The following NEGR1 variants were observed in gnomAD, a reference collection of about 807,000 sequenced individuals.
The protein encoded by NEGR1 is neuronal growth regulator 1.
NEGR1 carries 10 observed loss-of-function variants against 40.9 expected under a neutral mutation model. The observed-to-expected ratio is 0.24, with a 90% CI of 0.15 to 0.42. The LOEUF (loss-of-function observed/expected upper bound fraction) is 0.42, where lower values mean the gene tolerates loss of function less well. Ranked by LOEUF, NEGR1 falls within the 10% of genes least tolerant of loss-of-function variation. NEGR1 has a pLI of 1.00. For missense variants in NEGR1, 352 were observed against 438.9 expected, an observed-to-expected ratio of 0.80 and a Z score of 1.77; for synonymous variants, 185 against 166.8, an observed-to-expected ratio of 1.11 and a Z score of -0.84.
intron 4 of NEGR1, among the ~76,000 whole-genome samples, chr1:71,657,793 T>C (rs1258241208): frequency 6.6e-6 from 1 of 152,228 alleles, no homozygotes; most frequent in South Asian, 2.1e-4. Context: ...ACAAACTATT[T>C]GCAATACTTA....
chr1:71,777,166 C>T (rs1656542454), intron 2 of NEGR1, among the ~76,000 whole-genome samples: 1 of 152,054 alleles, frequency 6.6e-6, no homozygotes, highest in African/African-American at 2.4e-5. Flanking sequence ...CTCATTGAAT[C>T]CTCAAAGAGC....
chr1:71,510,275 C>G (rs1045292608), intron 6 of NEGR1, among the ~76,000 whole-genome samples: 1 of 152,064 alleles, frequency 6.6e-6, no homozygotes, highest in African/African-American at 2.4e-5. Context: ...AGCAAAATAA[C>G]CTGATACTAT....
At chr1:71,467,676 ATT>A (rs965181138) in intron 6 of NEGR1, among the ~76,000 whole-genome samples, 1 of 151,294 alleles carries the variant, frequency 6.6e-6, no homozygotes, top group African/African-American at 2.4e-5. Context: ...AGGATGAAAC[ATT>A]TTATACTTTT....
At chr1:71,870,168 C>T (rs1178079138) in intron 2 of NEGR1, among the ~76,000 whole-genome samples, 1 of 152,144 alleles carries the variant, frequency 6.6e-6, no homozygotes, top group Non-Finnish European at 1.5e-5. Context: ...GCGTGAGCCA[C>T]CATGCCCAGC....
intron 1 of NEGR1, among the ~76,000 whole-genome samples, chr1:72,142,068 A>G (rs1650698256): frequency 6.6e-6 from 1 of 151,992 alleles, no homozygotes; most frequent in Non-Finnish European, 1.5e-5. Flanking sequence ...TATCCCTTTA[A>G]CAAAGCATCT....
chr1:71,772,176 G>A (rs1439948357), intron 3 of NEGR1, among the ~76,000 whole-genome samples: 1 of 152,076 alleles, frequency 6.6e-6, no homozygotes, highest in Non-Finnish European at 1.5e-5. Flanking sequence ...GAAAATATGA[G>A]ACAACCCACA....
chr1:71,575,472 C>T (rs1648933456), intron 6 of NEGR1, among the ~76,000 whole-genome samples: 2 of 152,176 alleles, frequency 1.3e-5, no homozygotes, highest in African/African-American at 2.4e-5. Flanking sequence ...TATCAGCATT[C>T]AAAGCCTTTT....
rs539396941 is a variant in NEGR1, at chr1:71,655,240, C to T, written c.667+42768G>A. Among the ~76,000 whole-genome samples the T allele has an allele frequency of 1.1e-4, 16 of 152,140 alleles. No individual in the cohort carries two copies. In the South Asian group the frequency reaches 3.3e-3, roughly 32 times the overall value. On this transcript the variant is annotated intron_variant, in intron 4 of 6. Transcript: ENST00000357731. ...ATTTGTGTTCTGAACCATTAAGAAGCTTACAAAAATGTTAAAGAGCTATCT... is the reference window on the plus strand; with the variant it reads ...ATTTGTGTTCTGAACCATTAAGAAGTTTACAAAAATGTTAAAGAGCTATCT...
At chr1:71,620,491 C>T (rs1650576554) in intron 4 of NEGR1, among the ~76,000 whole-genome samples, 1 of 151,920 alleles carries the variant, frequency 6.6e-6, no homozygotes. Flanking sequence ...AAATTTCTTA[C>T]TTGAAGACAG....
chr1:71,713,691 T>C (rs1020433715), intron 3 of NEGR1, among the ~76,000 whole-genome samples: 18 of 152,178 alleles, frequency 1.2e-4, no homozygotes, highest in African/African-American at 4.3e-4. Flanking sequence ...CAAATAAGCA[T>C]AGTGTCTAAC....
rs551682729 is a variant in NEGR1, at chr1:72,186,286, T to C, written c.176+96033A>G. ...TAAAACATTAACTATAATCAAGTTT[T>C]CTACAAGTTTTACTCTGTTCATAAT... On this transcript the variant is annotated intron_variant, in intron 1 of 6. Coordinates refer to ENST00000357731, the MANE Select transcript of NEGR1 (RefSeq NM_173808.3). 2.0e-5 allele frequency among the ~76,000 whole-genome samples: 3 copies of C among 151,904 alleles called. No individual in the cohort carries two copies. The East Asian group carries it at 5.8e-4, about 29-fold the overall frequency.
chr1:71,775,444 C>G (rs1326290558), intron 3 of NEGR1, among the ~76,000 whole-genome samples: 1 of 150,770 alleles, frequency 6.6e-6, no homozygotes, highest in Non-Finnish European at 1.5e-5. Context: ...CTCCTGGGTT[C>G]AAATGATTCT....
intron 3 of NEGR1, among the ~76,000 whole-genome samples, chr1:71,709,967 G>C (rs1329598046): frequency 6.6e-6 from 1 of 152,178 alleles, no homozygotes; most frequent in Non-Finnish European, 1.5e-5. Flanking sequence ...TAGAATGGGA[G>C]AAAATGTTTG....
chr1:71,979,609 C>T (rs551799307), intron 1 of NEGR1, among the ~76,000 whole-genome samples: 8 of 152,096 alleles, frequency 5.3e-5, no homozygotes, highest in African/African-American at 1.9e-4. Context: ...GAACAACCCA[C>T]AAAGACAACG....
chr1:72,178,944 A>T (rs1652267754), intron 1 of NEGR1, among the ~76,000 whole-genome samples: 1 of 151,904 alleles, frequency 6.6e-6, no homozygotes. Flanking sequence ...GATTCTGGAT[A>T]TTAGACATTT....
At chr1:71,645,980 C>T (rs948531236) in intron 4 of NEGR1, among the ~76,000 whole-genome samples, 2 of 151,676 alleles carry the variant, frequency 1.3e-5, no homozygotes, top group African/African-American at 4.8e-5. Context: ...TTTATCCTAT[C>T]CTTCTATTGC....
At chr1:71,804,961 A>G (rs1435750436) in intron 2 of NEGR1, among the ~76,000 whole-genome samples, 1 of 152,180 alleles carries the variant, frequency 6.6e-6, no homozygotes. Context: ...TTTCTCAGCA[A>G]GGAACATCCC....
chr1:72,184,323 A>C (rs1479649117), intron 1 of NEGR1, among the ~76,000 whole-genome samples: 1 of 152,118 alleles, frequency 6.6e-6, no homozygotes. Flanking sequence ...AACGCAGAAG[A>C]TATTTGCAAG....
At chr1:72,001,830 A>G (rs1343873508) in intron 1 of NEGR1, among the ~76,000 whole-genome samples, 1 of 151,934 alleles carries the variant, frequency 6.6e-6, no homozygotes, top group African/African-American at 2.4e-5. Context: ...CTACCCTAAA[A>G]TAAGTACATG....
Sources: gnomAD v4.1 joint callset for allele counts (sites outside exome capture counted in the v4.1 genomes callset) on GRCh38, gnomAD v4.1.1 for gene constraint, MANE v1.5 for transcripts, NCBI Gene and HGNC (gene_info 2026-07-23, HGNC 2026-07-21) for gene names.